Variants in SRPK2 observed in about 807,000 individuals in gnomAD.
SRPK2 encodes SFRS protein kinase 2.
SRPK2 carries 21 observed loss-of-function variants against 90.8 expected under a neutral mutation model. The observed-to-expected ratio is 0.23, with a 90% CI of 0.16 to 0.33. The LOEUF is 0.33. SRPK2 is among the 10% of genes least tolerant of loss of function. SRPK2 has a pLI of 1.00. For missense variants in SRPK2, 620 were observed against 869.0 expected (o/e 0.71, Z 3.60); for synonymous variants, 288 against 311.1 (o/e 0.93, Z 0.78).
chr7:105,174,204 T>C (rs1791537647), intron 3 of SRPK2, among the ~76,000 whole-genome samples: 1 of 152,136 alleles, frequency 6.6e-6, no homozygotes, highest in African/African-American at 2.4e-5. Flanking sequence ...ACAGCCAAGA[T>C]TTCTGTAACT....
chr7:105,219,163 C>T (rs1797810196), intron 2 of SRPK2, among the ~76,000 whole-genome samples: 2 of 152,104 alleles, frequency 1.3e-5, no homozygotes, highest in Non-Finnish European at 2.9e-5. Flanking sequence ...TCCCACACTC[C>T]CACACCTCCA....
rs919429686 is a variant in SRPK2 at position 105,117,560 on chromosome 7, T to C, written c.*278A>G. 47 of 379,824 alleles carry C rather than the reference T, an allele frequency of 1.2e-4. No homozygotes were observed. Among genetic ancestry groups the C allele is most frequent in the African/African-American group, 9.1e-4 (43 of 47,346 alleles). 23.5% of individuals were successfully genotyped at this position (379,824 alleles called of 1,614,324 possible). A position where few individuals can be genotyped will look rare whatever the true frequency, so the allele number is the denominator to read the frequency against. ...TATTTTTCATTCAAAAAAATGACAT[T>C]TGAATGTCACACAACACAAGAAACA... On this transcript the variant is annotated 3_prime_UTR_variant, in exon 16 of 16. Coordinates refer to ENST00000393651, the MANE Select transcript of SRPK2 (RefSeq NM_182692.3).
At chr7:105,142,979 G>A (rs1804015924) in intron 10 of SRPK2, 105 bp downstream of exon 10, 5 of 1,436,794 alleles carry the variant, frequency 3.5e-6, no homozygotes, top group Non-Finnish European at 4.7e-6. Context: ...AATCATCCTT[G>A]TCATCTGCAG....
intron 13 of SRPK2, among the ~76,000 whole-genome samples, chr7:105,129,324 TAAC>T (rs1269889471): frequency 1.3e-5 from 2 of 152,172 alleles, no homozygotes; most frequent in Non-Finnish European, 2.9e-5. Flanking sequence ...AAGATTCTCT[TAAC>T]AATACAACAT....
intron 2 of SRPK2, among the ~76,000 whole-genome samples, chr7:105,377,837 T>C (rs1041000265): frequency 5.3e-5 from 8 of 152,206 alleles, no homozygotes; most frequent in Non-Finnish European, 7.3e-5. Context: ...GAATTAATCC[T>C]AGAACCCTCC....
intron 2 of SRPK2, among the ~76,000 whole-genome samples, chr7:105,329,876 A>G (rs1754684244): frequency 6.6e-6 from 1 of 151,804 alleles, no homozygotes; most frequent in Admixed American, 6.6e-5. Context: ...CTAAAAAAAA[A>G]ATACAAAAAT....
chr7:105,179,824 C>CAAAAAAAAAAAAAAAAAAAAAAAAAA lies in SRPK2; in HGVS notation c.230-10560_230-10559insTTTTTTTTTTTTTTTTTTTTTTTTTT, dbSNP rs1185836588. Among the ~76,000 whole-genome samples, 2 of 60,266 alleles carry CAAAAAAAAAAAAAAAAAAAAAAAAAA rather than the reference C, an allele frequency of 3.3e-5. 1 individual carries two copies. Among genetic ancestry groups the CAAAAAAAAAAAAAAAAAAAAAAAAAA allele is most frequent in the Non-Finnish European group, 5.7e-5 (2 of 35,288 alleles). The allele number at this position is 60,266 out of a possible 152,430, so 39.5% of individuals were successfully genotyped here. A position where few individuals can be genotyped will look rare whatever the true frequency, so the allele number is the denominator to read the frequency against. ...TGGGCAACACAGTAAGAGTCCATCT[C>CAAAAAAAAAAAAAAAAAAAAAAAAAA]AAAAAAAAAAAAAAAAAAAAAAAAG... On this transcript the variant is annotated intron_variant, in intron 3 of 15. Transcript: ENST00000393651.
At chr7:105,386,653 G>A (rs916137453) in intron 2 of SRPK2, among the ~76,000 whole-genome samples, 5 of 152,210 alleles carry the variant, frequency 3.3e-5, no homozygotes, top group Middle Eastern at 3.4e-3. Flanking sequence ...GGAGGCGGAG[G>A]TTGCAGTGAG....
chr7:105,242,472 A>G (rs1487735981), intron 2 of SRPK2, among the ~76,000 whole-genome samples: 2 of 152,146 alleles, frequency 1.3e-5, no homozygotes, highest in Non-Finnish European at 2.9e-5. Flanking sequence ...AGATCACCCC[A>G]CTGCACTCCA....
At chr7:105,381,412 G>A (rs1319226245) in intron 2 of SRPK2, among the ~76,000 whole-genome samples, 2 of 152,042 alleles carry the variant, frequency 1.3e-5, no homozygotes, top group African/African-American at 4.8e-5. Context: ...CTGTCTCAGT[G>A]AGCCAAGACC....
intron 3 of SRPK2, 101 bp from the exon 4 acceptor site, chr7:105,169,366 T>G: frequency 1.2e-6 from 1 of 805,726 alleles, no homozygotes; most frequent in East Asian, 2.6e-5. Context: ...AAGAAAGCTC[T>G]ACATAATACA....
intron 2 of SRPK2, among the ~76,000 whole-genome samples, chr7:105,381,077 C>A (rs1820893159): frequency 1.3e-5 from 2 of 150,426 alleles, no homozygotes; most frequent in Admixed American, 1.3e-4. Flanking sequence ...CCAGGCTCTA[C>A]TAAAAATACA....
intron 2 of SRPK2, among the ~76,000 whole-genome samples, chr7:105,284,733 C>T (rs1807832564): frequency 6.6e-6 from 1 of 152,178 alleles, no homozygotes; most frequent in Admixed American, 6.5e-5. Flanking sequence ...TCAGTAGTCC[C>T]TTATTTCTAC....
At chr7:105,330,234 G>A (rs1329928142) in intron 2 of SRPK2, among the ~76,000 whole-genome samples, 1 of 151,908 alleles carries the variant, frequency 6.6e-6, no homozygotes, top group Non-Finnish European at 1.5e-5. Context: ...CAGCTACTCA[G>A]GAGGCTGAGG....
At chr7:105,227,934 A>T (rs1474402145) in intron 2 of SRPK2, among the ~76,000 whole-genome samples, 2 of 150,704 alleles carry the variant, frequency 1.3e-5, no homozygotes, top group East Asian at 1.9e-4. Flanking sequence ...CAACGATAAG[A>T]CTCCAAATAA....
chr7:105,221,366 G>C (rs375384276), intron 2 of SRPK2, among the ~76,000 whole-genome samples: 4 of 152,172 alleles, frequency 2.6e-5, no homozygotes, highest in Non-Finnish European at 5.9e-5. Context: ...CTGTGGCTTT[G>C]AGCGAGTGAT....
At chr7:105,271,157 A>C (rs1805780666) in intron 2 of SRPK2, among the ~76,000 whole-genome samples, 1 of 152,208 alleles carries the variant, frequency 6.6e-6, no homozygotes, top group African/African-American at 2.4e-5. Flanking sequence ...TCATCATGGC[A>C]ATTTTGTATT....
At chr7:105,268,704 A>C in intron 2 of SRPK2, 1 of 1,348,426 alleles carries the variant, frequency 7.4e-7, no homozygotes, top group Non-Finnish European at 1.0e-6. Context: ...CATGCAGGAC[A>C]ATACGTTATA....
At position 105,283,962 on chromosome 7, in the gene SRPK2, CCTGGGAGACAGG is replaced by C. The variant is rs537652188; in HGVS notation, c.72-80189_72-80178del. Among the ~76,000 whole-genome samples, 12 of 152,174 alleles carry C rather than the reference CCTGGGAGACAGG, an allele frequency of 7.9e-5. No homozygotes were observed. The East Asian group carries it at 9.7e-4, about 12-fold the overall frequency. ...CCGTGATGGTGCCACTGCACTTCAACCTGGGAGACAGGCTGGGAGACAGGGACCCTGTCTCAA... is the reference window on the plus strand; with the variant it reads ...CCGTGATGGTGCCACTGCACTTCAACCTGGGAGACAGGGACCCTGTCTCAA... On this transcript the variant is annotated intron_variant, in intron 2 of 15. Coordinates refer to ENST00000393651, the MANE Select transcript of SRPK2 (RefSeq NM_182692.3).
Sources: gnomAD v4.1 joint callset for allele counts (sites outside exome capture counted in the v4.1 genomes callset) on GRCh38, gnomAD v4.1.1 for gene constraint, MANE v1.5 for transcripts, NCBI Gene and HGNC (gene_info 2026-07-23, HGNC 2026-07-21) for gene names.